SART1: variants seen among roughly 807,000 people sequenced by gnomAD.
SART1 encodes spliceosome associated factor 1, recruiter of U4/U6.U5 tri-snRNP.
Under a neutral mutation model 105.0 loss-of-function variants are expected in SART1, and 28 were observed. The observed-to-expected ratio is 0.27, with a 90% CI of 0.20 to 0.37. The LOEUF (loss-of-function observed/expected upper bound fraction) is 0.37. SART1 is among the 10% of genes least tolerant of loss of function. The probability of loss-of-function intolerance (pLI) is 1.00; values close to 1 mark genes in which losing one functional copy is unlikely to be tolerated. For missense variants in SART1, 894 were observed against 1,106.5 expected (o/e 0.81, Z 2.72); for synonymous variants, 472 against 462.9 (o/e 1.02, Z -0.25).
chr11:65,968,367 T>A (rs1213465568), intron 12 of SART1, among the ~76,000 whole-genome samples: 1 of 152,190 alleles, frequency 6.6e-6, no homozygotes, highest in African/African-American at 2.4e-5. Flanking sequence ...GAGTAGTGCA[T>A]TGTTCTTGGG....
At position 65,965,749 on chromosome 11, in the gene SART1, G is replaced by A. The variant is rs1432761148; in HGVS notation, c.708G>A (p.Leu236=). Residue 236 remains leucine, a synonymous_variant, in exon 6 of 20, where the codon CTG becomes CTA. Transcript: ENST00000312397. ...EMDQEFGVST[L]VEEEFGQRRQ... Reference sequence around the variant, plus strand: ...ACCAAGAGTTTGGTGTCAGCACTCTGGTGGAGGAGGAGTTCGGGCAGAGGC... The same window carrying A: ...ACCAAGAGTTTGGTGTCAGCACTCTAGTGGAGGAGGAGTTCGGGCAGAGGC... 6.2e-6 allele frequency: 10 copies of A among 1,613,966 alleles called. No homozygotes were observed. In the Admixed American group the frequency reaches 1.3e-4, roughly 22 times the overall value.
rs1044102506 is a variant in SART1 at position 65,976,075 on chromosome 11, G to A, written c.1573-320G>A. On this transcript the variant is annotated intron_variant, in intron 12 of 19. Transcript: ENST00000312397. The surrounding 1 kb of genome is among the most constrained non-coding windows in gnomAD (Gnocchi z 5.1). ...GGGGAGGGGCAGGTGGCAGGAGGGA[G>A]CCTGGAGGAAGGAGTTTGAGGCTGA... 6.6e-6 allele frequency among the ~76,000 whole-genome samples: 1 copy of A among 152,168 alleles called. No homozygotes were observed. The highest frequency in any genetic ancestry group is 2.4e-5 in the African/African-American group (1 of 41,426).
In SART1 at chr11:65,976,967, G is replaced by A. The variant is rs1443060919; in HGVS notation, c.1858-47G>A. 6.7e-7 allele frequency: 1 copy of A among 1,487,770 alleles called. No homozygotes were observed. Among genetic ancestry groups the A allele is most frequent in the Non-Finnish European group, 9.4e-7 (1 of 1,065,620 alleles). 92.2% of individuals were successfully genotyped at this position (1,487,770 alleles called of 1,614,324 possible). ...GGTGGTGACCAGTGGGTGGGGCTGA[G>A]AAGAGCCGGTATGGCCTGCTAACCA... On this transcript the variant is annotated intron_variant, in intron 14 of 19. Coordinates refer to ENST00000312397, the MANE Select transcript of SART1 (RefSeq NM_005146.5). This position sits in a 1 kb window ranked among gnomAD's most constrained non-coding sequence, Gnocchi z 5.1.
chr11:65,964,225 A>ATG, intron 2 of SART1, 94 bp downstream of exon 2: 1 of 1,098,596 alleles, frequency 9.1e-7, no homozygotes, highest in Non-Finnish European at 1.4e-6. Flanking sequence ...AAAGTGTGCT[A>ATG]ATCAGAGTTG....
chr11:65,970,471 G>A (rs188658887), intron 12 of SART1, among the ~76,000 whole-genome samples: 7 of 152,280 alleles, frequency 4.6e-5, no homozygotes, highest in African/African-American at 1.7e-4. Context: ...CTCGGCAGGC[G>A]GTGCTGGGGC....
chr11:65,978,079 C>T lies in SART1; in HGVS notation c.2172+180C>T, dbSNP rs2134924149. 1.5e-6 allele frequency: 1 copy of T among 659,026 alleles called. No individual in the cohort carries two copies. The highest frequency in any genetic ancestry group is 2.6e-6 in the Non-Finnish European group (1 of 389,602). 40.8% of individuals were successfully genotyped at this position (659,026 alleles called of 1,614,324 possible). On this transcript the variant is annotated intron_variant, in intron 17 of 19. Transcript: ENST00000312397. The surrounding 1 kb of genome is among the most constrained non-coding windows in gnomAD (Gnocchi z 6.8). ...CTCAGGGCTGAGGAAGGCTGTGCCT[C>T]AGTTTGTCTCTAGTGGGCACAGCAG...
chr11:65,967,482 G>C lies in SART1; in HGVS notation c.1325G>C (p.Arg442Pro). Residue 442 changes from arginine (R) to proline (P), a missense_variant, in exon 11 of 20, where the codon CGG (arginine) becomes CCG (proline). Arg to Pro is a moderately radical substitution (Grantham distance 103). Around this residue, in one of 2 missense-constraint regions of SART1, gnomAD observed 712 missense variants for 778.2 expected, o/e 0.91. Coordinates refer to ENST00000312397, the MANE Select transcript of SART1 (RefSeq NM_005146.5). The stretch of plus-strand genomic sequence containing the variant: ...CCTCCTTCCCTCAGACTGCGGGGAC[G>C]GGGTCGCCGCCGAGTGTCCGAAGTG... ...DGDFGSRLRG[R>P]GRRRVSEVEE... The C allele has an allele frequency of 1.9e-6, 3 of 1,613,304 alleles. No homozygotes were observed. The highest frequency in any genetic ancestry group is 2.5e-6 in the Non-Finnish European group (3 of 1,179,898).
chr11:65,977,270 G>A (rs1855502307), intron 15 of SART1, among the ~76,000 whole-genome samples, 169 bp downstream of exon 15: 1 of 152,212 alleles, frequency 6.6e-6, no homozygotes, highest in African/African-American at 2.4e-5. Context: ...CTGTCCGTCT[G>A]CTCTGCCTTT....
Position 65,967,726 on chromosome 11 carries a change from G to A in SART1, c.1477G>A (p.Asp493Asn), listed in dbSNP as rs947225817. The A allele has an allele frequency of 8.3e-6, 13 of 1,557,040 alleles. No individual in the cohort carries two copies. The highest frequency in any genetic ancestry group is 1.1e-5 in the Non-Finnish European group (13 of 1,150,590). Residue 493 changes from aspartate to asparagine, a missense_variant, in exon 12 of 20, where the codon GAC (aspartate) becomes AAC (asparagine). Transcript: ENST00000312397. Reference protein sequence around the residue: ...PPGSPQVLEEDEAELELQKQL... With the variant: ...PPGSPQVLEENEAELELQKQL... ...GGGGTCCCCGCAGGTGCTGGAGGAG[G>A]ACGAGGCGGAGCTGGAGCTGCAGAA...
intron 12 of SART1, among the ~76,000 whole-genome samples, chr11:65,973,692 C>T (rs949473407): frequency 6.6e-6 from 1 of 152,172 alleles, no homozygotes; most frequent in Admixed American, 6.6e-5. Flanking sequence ...CCTGCAGCCG[C>T]AGTACTTGGG....
At position 65,965,694 on chromosome 11, in the gene SART1, TC is replaced by T. The variant is rs368563983; in HGVS notation, c.661-5del. The T allele has an allele frequency of 3.3e-5, 53 of 1,612,958 alleles. No homozygotes were observed. The African/African-American group carries it at 6.7e-4, about 20-fold the overall frequency. ...TGAAGTCCTAGGTCACCCCTCCCTG[TC>T]CCGTAGGCCAAGTTACTGGAGGAGA... On this transcript the variant is annotated splice_region_variant and splice_polypyrimidine_tract_variant and intron_variant, in intron 5 of 19. Coordinates refer to ENST00000312397, the MANE Select transcript of SART1 (RefSeq NM_005146.5).
rs1048438258 is a variant in SART1 at position 65,972,025 on chromosome 11, T to G, written c.1572+4204T>G. 3.9e-5 allele frequency among the ~76,000 whole-genome samples: 6 copies of G among 152,050 alleles called. No homozygotes were observed. In the South Asian group the frequency reaches 1.0e-3, roughly 26 times the overall value. On this transcript the variant is annotated intron_variant, in intron 12 of 19. Coordinates refer to ENST00000312397, the MANE Select transcript of SART1 (RefSeq NM_005146.5). ...TGCAATTTCCACCTCCTAAAGGTGC[T>G]CTGTCCACATACAGTCATTGGGGGT...
chr11:65,963,911 G>T (rs1855195885), intron 1 of SART1, 163 bp from the exon 2 acceptor site: 1 of 634,118 alleles, frequency 1.6e-6, no homozygotes, highest in East Asian at 2.7e-5. Flanking sequence ...TCGGGCAGAG[G>T]AGCTGCTGGG....
In SART1 at chr11:65,961,930, C is replaced by T. The variant is rs1161762441; in HGVS notation, c.150C>T (p.Gly50=). 3 of 1,529,274 alleles carry T rather than the reference C, an allele frequency of 2.0e-6. No individual in the cohort carries two copies. Among genetic ancestry groups the T allele is most frequent in the South Asian group, 2.4e-5 (2 of 83,192 alleles). 94.7% of individuals were successfully genotyped at this position (1,529,274 alleles called of 1,614,324 possible). The change falls in exon 1 of 20, where the codon GGC becomes GGT. Residue 50 remains glycine, a synonymous_variant. Coordinates refer to ENST00000312397, the MANE Select transcript of SART1 (RefSeq NM_005146.5). ...GTGGCGGCAGTGGCGGTAGCGGTGGCGAACGACGGAAGCGGAGCCGGGAAC... is the reference window on the plus strand; with the variant it reads ...GTGGCGGCAGTGGCGGTAGCGGTGGTGAACGACGGAAGCGGAGCCGGGAAC... ...HRSGGSGGSG[G]ERRKRSRERG...
At position 65,967,663 on chromosome 11, in the gene SART1, C is replaced by G; in HGVS notation, c.1430-16C>G. ...GAGGAGATGGTCTGAGCAGGCATCCCCTGTGTTTCCCCCAGAGGAAGGTGG... is the reference window on the plus strand; with the variant it reads ...GAGGAGATGGTCTGAGCAGGCATCCGCTGTGTTTCCCCCAGAGGAAGGTGG... On this transcript the variant is annotated splice_polypyrimidine_tract_variant and intron_variant, in intron 11 of 19. Coordinates refer to ENST00000312397, the MANE Select transcript of SART1 (RefSeq NM_005146.5). 6.3e-7 allele frequency: 1 copy of G among 1,580,744 alleles called. No homozygotes were observed. Among genetic ancestry groups the G allele is most frequent in the South Asian group, 1.1e-5 (1 of 87,422 alleles).
intron 1 of SART1, among the ~76,000 whole-genome samples, chr11:65,962,451 T>C (rs117835634): frequency 1.4e-3 from 212 of 152,282 alleles, no homozygotes; most frequent in Middle Eastern, 0.014. Flanking sequence ...TCTCAATAAA[T>C]ATGTTGAATG....
At chr11:65,974,801 C>T (rs1375125500) in intron 12 of SART1, among the ~76,000 whole-genome samples, 1 of 152,046 alleles carries the variant, frequency 6.6e-6, no homozygotes, top group Non-Finnish European at 1.5e-5. Flanking sequence ...TTTGGGAGGC[C>T]AAGGCAGGCA....
At chr11:65,977,505 C>T (rs960438871) in intron 15 of SART1, 58 bp from the exon 16 acceptor site, 30 of 1,447,876 alleles carry the variant, frequency 2.1e-5, no homozygotes, top group African/African-American at 2.0e-4. Context: ...CCTTCTCAGG[C>T]GGCCCTGGAG....
chr11:65,978,503 C>A lies in SART1; in HGVS notation c.2173-97C>A. On this transcript the variant is annotated intron_variant, in intron 17 of 19. Coordinates refer to ENST00000312397, the MANE Select transcript of SART1 (RefSeq NM_005146.5). The surrounding 1 kb of genome is among the most constrained non-coding windows in gnomAD (Gnocchi z 6.8). ...TGCACCCCAGGCCTGGCATTGGGGT[C>A]AATCAACACCCGCCCTGTTATTATA... is the stretch of plus-strand genomic sequence containing the variant. The A allele has an allele frequency of 8.3e-7, 1 of 1,209,142 alleles. No homozygotes were observed. Among genetic ancestry groups the A allele is most frequent in the South Asian group, 1.3e-5 (1 of 76,320 alleles). The allele number at this position is 1,209,142 out of a possible 1,614,324, so 74.9% of individuals were successfully genotyped here. A position where few individuals can be genotyped will look rare whatever the true frequency, so the allele number is the denominator to read the frequency against.
Sources: gnomAD v4.1 joint callset for allele counts (sites outside exome capture counted in the v4.1 genomes callset) on GRCh38, gnomAD v4.1.1 for gene constraint, gnomAD v4.1.1 regional missense constraint, Gnocchi (gnomAD v3.1) non-coding constraint, MANE v1.5 for transcripts, NCBI Gene and HGNC (gene_info 2026-07-23, HGNC 2026-07-21) for gene names.